HLTF: variants seen among roughly 807,000 people sequenced by gnomAD.
The protein encoded by HLTF is helicase like transcription factor, also known as DNA-dependent ATPase/E3 ubiquitin-protein ligase HLTF.
Under a neutral mutation model 129.4 loss-of-function variants are expected in HLTF, and 127 were observed. The observed-to-expected ratio is 0.98, with a 90% confidence interval of 0.85 to 1.14. The LOEUF (loss-of-function observed/expected upper bound fraction) is 1.14. Among genes scored for constraint, HLTF ranks in the 50% most tolerant of loss-of-function variants. The pLI is 0.00. For synonymous variants in HLTF, 332 were observed against 388.8 expected (o/e 0.85, Z 1.72); for missense variants, 1,139 against 1,187.1 (o/e 0.96, Z 0.60).
chr3:149,064,643 TAA>T (rs1282482607), intron 9 of HLTF, 146 bp downstream of exon 9: 1 of 556,360 alleles, frequency 1.8e-6, no homozygotes, highest in African/African-American at 1.9e-5. Flanking sequence ...GAAGACCTTT[TAA>T]AAAAGAGATC....
At chr3:149,065,646 A>G (rs13062076) in intron 8 of HLTF, among the ~76,000 whole-genome samples, 1 of 152,044 alleles carries the variant, frequency 6.6e-6, no homozygotes, top group East Asian at 1.9e-4. Flanking sequence ...CCTGGCCAAC[A>G]CAGCAAAACC....
chr3:149,074,477 G>T, intron 3 of HLTF, 129 bp from the exon 4 acceptor site: 1 of 784,026 alleles, frequency 1.3e-6, no homozygotes, highest in Non-Finnish European at 1.9e-6. Context: ...GGAACTAGTT[G>T]GGCAGACTTG....
chr3:149,044,512 C>G (rs553167872), intron 18 of HLTF, among the ~76,000 whole-genome samples: 11 of 152,108 alleles, frequency 7.2e-5, no homozygotes, highest in Non-Finnish European at 1.6e-4. Context: ...ATCTCTTTCA[C>G]TTTACTCACT....
At chr3:149,063,596 A>G in intron 9 of HLTF, 72 bp from the exon 10 acceptor site, 1 of 848,980 alleles carries the variant, frequency 1.2e-6, no homozygotes, top group Non-Finnish European at 1.9e-6. Flanking sequence ...CCCTCTTAAA[A>G]CCTTGGTTTT....
At chr3:149,032,690 C>T (rs548231408) in intron 24 of HLTF, among the ~76,000 whole-genome samples, 10 of 152,268 alleles carry the variant, frequency 6.6e-5, no homozygotes, top group Middle Eastern at 3.4e-3. Context: ...TGGCCGGGCA[C>T]GGTGGCTCAC....
rs79567952 is a variant in HLTF at position 149,056,491 on chromosome 3, A to G, written c.1376-1091T>C. Among the ~76,000 whole-genome samples the G allele has an allele frequency of 9.5e-3, 1,454 of 152,316 alleles. 26 individuals carry two copies. Among genetic ancestry groups the G allele is most frequent in the African/African-American group, 0.033 (1,358 of 41,568 alleles). On this transcript the variant is annotated intron_variant, in intron 13 of 24. Coordinates refer to ENST00000310053, the MANE Select transcript of HLTF (RefSeq NM_003071.4). ...AATTAAACTGGAAGGTGAGCAAAGTATCATACTGTATCTACGTATCATTCA... is the reference window on the plus strand; with the variant it reads ...AATTAAACTGGAAGGTGAGCAAAGTGTCATACTGTATCTACGTATCATTCA...
chr3:149,073,310 T>G lies in HLTF; in HGVS notation c.542A>C (p.Asn181Thr). ...TCCAGAGCCCCAACCACTTTCCAAA[T>G]TGAATCCTAAAGCTATAATTTACAA... is the stretch of plus-strand genomic sequence containing the variant. ...LGPAPKTLGFNLESGWGSGRA... is the reference protein window; with the variant it reads ...LGPAPKTLGFTLESGWGSGRA... Residue 181 changes from asparagine to threonine, a missense_variant, in exon 5 of 25, where the codon AAT becomes ACT. Transcript: ENST00000310053. The G allele has an allele frequency of 1.2e-6, 2 of 1,609,108 alleles. No homozygotes were observed. Among genetic ancestry groups the G allele is most frequent in the Non-Finnish European group, 1.7e-6 (2 of 1,176,188 alleles).
At chr3:149,055,479 G>A in intron 13 of HLTF, 79 bp from the exon 14 acceptor site, 1 of 891,136 alleles carries the variant, frequency 1.1e-6, no homozygotes, top group Non-Finnish European at 1.8e-6. Flanking sequence ...GCAATAATGT[G>A]CCTCCATGAA....
At chr3:149,057,563 CA>C (rs1191056737) in intron 13 of HLTF, among the ~76,000 whole-genome samples, 1 of 152,180 alleles carries the variant, frequency 6.6e-6, no homozygotes, top group Non-Finnish European at 1.5e-5. Flanking sequence ...TTGGTATACA[CA>C]GGGGGCCCTG....
chr3:149,071,936 C>G (rs1455306139), intron 5 of HLTF, among the ~76,000 whole-genome samples: 2 of 152,070 alleles, frequency 1.3e-5, no homozygotes, highest in Non-Finnish European at 2.9e-5. Context: ...GCCTGTAGTT[C>G]TGGCTCCTAG....
chr3:149,033,847 G>C (rs1388901036), intron 24 of HLTF, among the ~76,000 whole-genome samples: 1 of 152,012 alleles, frequency 6.6e-6, no homozygotes. Flanking sequence ...TTAAAACCTA[G>C]AACGTATAAA....
intron 15 of HLTF, among the ~76,000 whole-genome samples, chr3:149,049,312 T>C (rs1716799987): frequency 6.6e-6 from 1 of 152,204 alleles, no homozygotes; most frequent in South Asian, 2.1e-4. Flanking sequence ...CACTGGTCAA[T>C]ACACTGAACT....
In HLTF at chr3:149,030,228, A is replaced by AAGTT. The variant is rs1298601618; in HGVS notation, c.*1988_*1991dup. 6.6e-6 allele frequency: 1 copy of AAGTT among 152,154 alleles called. No individual in the cohort carries two copies. The highest frequency in any genetic ancestry group is 1.5e-5 in the Non-Finnish European group (1 of 68,018). 9.4% of individuals were successfully genotyped at this position (152,154 alleles called of 1,614,324 possible). On this transcript the variant is annotated 3_prime_UTR_variant, in exon 25 of 25. Transcript: ENST00000310053. ...ATACAATGTCTTCAATATTTTTCTA[A>AAGTT]AGTTATTTTTCTATATAATAATAAG... is the stretch of plus-strand genomic sequence containing the variant.
intron 23 of HLTF, among the ~76,000 whole-genome samples, chr3:149,037,897 T>C (rs778198352): frequency 2.8e-4 from 42 of 152,204 alleles, no homozygotes; most frequent in Non-Finnish European, 1.0e-4. Context: ...CCTATGTGAA[T>C]GCACGTCCAG....
intron 18 of HLTF, among the ~76,000 whole-genome samples, chr3:149,044,028 A>C (rs9864549): frequency 0.26 from 39,399 of 152,062 alleles, 5,979 homozygotes; most frequent in Middle Eastern, 0.41. Flanking sequence ...AAAATAATAC[A>C]AAGATTAAAC....
chr3:149,041,957 T>A, intron 19 of HLTF: 2 of 589,516 alleles, frequency 3.4e-6, no homozygotes, highest in South Asian at 4.5e-5. Flanking sequence ...AGGGTATCTA[T>A]CACCGGAATT....
At chr3:149,050,110 T>C (rs1716861430) in intron 15 of HLTF, 122 bp downstream of exon 15, 1 of 468,416 alleles carries the variant, frequency 2.1e-6, no homozygotes, top group East Asian at 3.4e-5. Flanking sequence ...TTTCTATATA[T>C]CGTTAAGTAT....
At chr3:149,038,763 T>C (rs1365568966) in intron 23 of HLTF, among the ~76,000 whole-genome samples, 1 of 152,180 alleles carries the variant, frequency 6.6e-6, no homozygotes, top group Non-Finnish European at 1.5e-5. Flanking sequence ...TCCATTCACC[T>C]TGGCCTCCCA....
At chr3:149,061,818 A>T (rs1717974900) in intron 10 of HLTF, among the ~76,000 whole-genome samples, 1 of 151,024 alleles carries the variant, frequency 6.6e-6, no homozygotes, top group African/African-American at 2.4e-5. Context: ...CCTGGGCGAC[A>T]GGAGCAAAAC....
Sources: gnomAD v4.1 joint callset for allele counts (sites outside exome capture counted in the v4.1 genomes callset) on GRCh38, gnomAD v4.1.1 for gene constraint, MANE v1.5 for transcripts, NCBI Gene and HGNC (gene_info 2026-07-23, HGNC 2026-07-21) for gene names.